ITSN2: variants seen among roughly 807,000 people sequenced by gnomAD.
ITSN2 encodes intersectin 2.
A neutral mutation model predicts 243.7 loss-of-function variants in ITSN2; 156 were observed. The ratio of observed to expected loss-of-function variants is 0.64; its 90% confidence interval spans 0.56 to 0.73. ITSN2 has a LOEUF of 0.73. Among genes scored for constraint, ITSN2 ranks in the 30% least tolerant of loss-of-function variants. The pLI, the probability that ITSN2 is intolerant of heterozygous loss-of-function variation, is 0.00. For missense variants in ITSN2, 1,801 were observed against 1,996.1 expected, an observed-to-expected ratio of 0.90 and a Z score of 1.86; for synonymous variants, 703 against 699.9, an observed-to-expected ratio of 1.00 and a Z score of -0.07.
intron 18 of ITSN2, among the ~76,000 whole-genome samples, chr2:24,274,628 C>G (rs931030406): frequency 6.6e-6 from 1 of 152,106 alleles, no homozygotes; most frequent in African/African-American, 2.4e-5. Flanking sequence ...ATTCGTTTAA[C>G]TGTCTGAATC....
intron 2 of ITSN2, among the ~76,000 whole-genome samples, chr2:24,315,994 A>G (rs1475307654): frequency 6.6e-6 from 1 of 152,200 alleles, no homozygotes; most frequent in Non-Finnish European, 1.5e-5. Context: ...CAAGGATGAG[A>G]TAACAGGAAA....
chr2:24,334,144 C>T (rs1399102235), intron 1 of ITSN2, among the ~76,000 whole-genome samples: 5 of 152,022 alleles, frequency 3.3e-5, no homozygotes, highest in Admixed American at 1.3e-4. Flanking sequence ...CTGCAACCTC[C>T]GCCTCCCAGG....
chr2:24,256,273 A>G (rs1675041667), intron 23 of ITSN2, among the ~76,000 whole-genome samples: 1 of 152,204 alleles, frequency 6.6e-6, no homozygotes, highest in Non-Finnish European at 1.5e-5. Flanking sequence ...CTGAAAAGCA[A>G]ATTTTTAGAA....
intron 29 of ITSN2, chr2:24,239,190 T>C (rs1253162396): frequency 6.6e-6 from 1 of 152,506 alleles, no homozygotes; most frequent in Non-Finnish European, 1.5e-5. Context: ...TTTCAGTATT[T>C]CCATTATAGA....
chr2:24,327,583 C>G (rs1249196140), intron 2 of ITSN2, among the ~76,000 whole-genome samples: 1 of 152,094 alleles, frequency 6.6e-6, no homozygotes, highest in Non-Finnish European at 1.5e-5. Flanking sequence ...CAGGCATGAG[C>G]CACCACACCC....
chr2:24,294,126 T>C (rs1680638039), intron 14 of ITSN2, among the ~76,000 whole-genome samples: 1 of 152,086 alleles, frequency 6.6e-6, no homozygotes, highest in South Asian at 2.1e-4. Flanking sequence ...AATATGTGTA[T>C]ATCAAAGAGG....
chr2:24,260,599 T>A (rs191742842), intron 22 of ITSN2, among the ~76,000 whole-genome samples: 2 of 152,174 alleles, frequency 1.3e-5, no homozygotes, highest in East Asian at 3.9e-4. Context: ...AACTTGGTAT[T>A]ATGGAAAAGA....
intron 20 of ITSN2, among the ~76,000 whole-genome samples, chr2:24,265,673 G>A (rs1676576001): frequency 6.6e-6 from 1 of 152,166 alleles, no homozygotes; most frequent in African/African-American, 2.4e-5. Context: ...AAACTTCTTA[G>A]TGTAGAATTT....
At position 24,211,445 on chromosome 2, in the gene ITSN2, T is replaced by C. The variant is rs1224766915; in HGVS notation, c.4090-498A>G. On this transcript the variant is annotated intron_variant, in intron 33 of 39. Coordinates refer to ENST00000355123, the MANE Select transcript of ITSN2 (RefSeq NM_006277.3). This position sits in a 1 kb window ranked among gnomAD's most constrained non-coding sequence, Gnocchi z 4.1. ...ACAATAAAATCACATTGTCAGCATG[T>C]GGAAGAAATGCATTCTGTTCATTCT... 6.6e-6 allele frequency among the ~76,000 whole-genome samples: 1 copy of C among 152,204 alleles called. No individual in the cohort carries two copies. Among genetic ancestry groups the C allele is most frequent in the Non-Finnish European group, 1.5e-5 (1 of 68,034 alleles).
At chr2:24,238,528 C>A (rs1672403937) in intron 29 of ITSN2, among the ~76,000 whole-genome samples, 1 of 152,184 alleles carries the variant, frequency 6.6e-6, no homozygotes, top group African/African-American at 2.4e-5. Flanking sequence ...GTTTCTTTTA[C>A]ATAAACTCTT....
intron 14 of ITSN2, 51 bp from the exon 15 acceptor site, chr2:24,293,826 AG>A (rs1214360774): frequency 1.8e-6 from 1 of 561,022 alleles, no homozygotes; most frequent in African/African-American, 2.0e-5. Flanking sequence ...ATATTGTCCA[AG>A]AGTTTTTTTT....
At chr2:24,294,368 G>A (rs1558569894) in intron 14 of ITSN2, among the ~76,000 whole-genome samples, 1 of 152,230 alleles carries the variant, frequency 6.6e-6, no homozygotes, top group African/African-American at 2.4e-5. Context: ...AGAAGTTGCA[G>A]TGAGCTGAGG....
intron 1 of ITSN2, among the ~76,000 whole-genome samples, chr2:24,345,706 T>G (rs566436108): frequency 7.2e-5 from 11 of 152,104 alleles, no homozygotes; most frequent in Non-Finnish European, 1.6e-4. Flanking sequence ...ACGGATCTTT[T>G]TCTATGCATT....
At chr2:24,312,082 C>A in intron 5 of ITSN2, 130 bp downstream of exon 5, 1 of 715,420 alleles carries the variant, frequency 1.4e-6, no homozygotes, top group Non-Finnish European at 2.2e-6. Context: ...TTTATTATCT[C>A]TAACATGAAA....
intron 23 of ITSN2, among the ~76,000 whole-genome samples, chr2:24,255,547 G>C (rs1674909428): frequency 6.6e-6 from 1 of 152,182 alleles, no homozygotes; most frequent in Non-Finnish European, 1.5e-5. Flanking sequence ...AGAATCGCTT[G>C]AACACAGGAG....
At chr2:24,228,586 A>G (rs1671273835) in intron 29 of ITSN2, among the ~76,000 whole-genome samples, 1 of 152,238 alleles carries the variant, frequency 6.6e-6, no homozygotes, top group Non-Finnish European at 1.5e-5. Flanking sequence ...GATCAGCAGA[A>G]GGAAGAGATA....
chr2:24,282,410 T>C (rs923891533), intron 17 of ITSN2, among the ~76,000 whole-genome samples: 8 of 152,198 alleles, frequency 5.3e-5, no homozygotes, highest in Non-Finnish European at 1.2e-4. Context: ...TGAGAGCTAC[T>C]TCTACTCAAT....
chr2:24,224,626 G>T (rs1240267655), intron 29 of ITSN2, among the ~76,000 whole-genome samples: 1 of 142,708 alleles, frequency 7.0e-6, no homozygotes, highest in Non-Finnish European at 1.5e-5. Flanking sequence ...TCATCATGAC[G>T]GCTCTTCAAC....
At chr2:24,308,814 T>C (rs1271369678) in intron 7 of ITSN2, 58 bp from the exon 8 acceptor site, 2 of 982,142 alleles carry the variant, frequency 2.0e-6, no homozygotes, top group Non-Finnish European at 2.7e-6. Context: ...TTTAATTAAA[T>C]TTTATAAGAC....
Sources: allele counts gnomAD v4.1 joint callset (sites outside exome capture counted in the v4.1 genomes callset), GRCh38; gene constraint gnomAD v4.1.1; non-coding constraint Gnocchi (gnomAD v3.1); transcripts MANE v1.5; gene names NCBI Gene and HGNC (gene_info 2026-07-23, HGNC 2026-07-21).